DNAH7: variants seen among roughly 807,000 people sequenced by gnomAD.
DNAH7 encodes the protein axonemal beta dynein heavy chain 7.
A neutral mutation model predicts 444.6 loss-of-function variants in DNAH7; 397 were observed. The observed-to-expected ratio is 0.89, with a 90% CI of 0.82 to 0.97. The LOEUF (loss-of-function observed/expected upper bound fraction) is 0.97. Ranked by LOEUF, DNAH7 falls within the 50% of genes least tolerant of loss-of-function variation. The pLI, the probability that DNAH7 is intolerant of heterozygous loss-of-function variation, is 0.00. For synonymous variants in DNAH7, 1,636 were observed against 1,624.4 expected (o/e 1.01, Z -0.17); for missense variants, 4,902 against 4,800.8 (o/e 1.02, Z -0.62).
intron 47 of DNAH7, among the ~76,000 whole-genome samples, chr2:195,838,000 T>C (rs1033375934): frequency 7.2e-5 from 11 of 152,090 alleles, no homozygotes; most frequent in Admixed American, 3.3e-4. Context: ...GTAGGATAAA[T>C]TCTGAAAAGA....
chr2:196,016,489 T>C (rs1236507370), intron 9 of DNAH7, among the ~76,000 whole-genome samples: 1 of 152,174 alleles, frequency 6.6e-6, no homozygotes, highest in African/African-American at 2.4e-5. Context: ...AAGAAATCCA[T>C]ACTGTACAAT....
At chr2:196,051,723 C>T (rs767949921) in intron 2 of DNAH7, among the ~76,000 whole-genome samples, 1 of 151,938 alleles carries the variant, frequency 6.6e-6, no homozygotes, top group Non-Finnish European at 1.5e-5. Flanking sequence ...GCAGAGATCG[C>T]ACCACTGCAC....
chr2:195,950,236 G>A (rs1284474285), intron 19 of DNAH7, among the ~76,000 whole-genome samples: 4 of 149,718 alleles, frequency 2.7e-5, no homozygotes, highest in Non-Finnish European at 5.9e-5. Flanking sequence ...CTCTGGTCCT[G>A]GGCTTTTTTT....
rs1388690995 is a variant in DNAH7, at chr2:195,824,306, A to G, written c.9240T>C (p.Tyr3080=). The change falls in exon 49 of 65, where the codon TAT becomes TAC. Residue 3080 remains tyrosine, a synonymous_variant. Coordinates refer to ENST00000312428, the MANE Select transcript of DNAH7 (RefSeq NM_018897.3). ...TIEYAPDFRF[Y]ITTKLRNPHY... ...GAGGATTTCTTAACTTGGTAGTAAT[A>G]TAGAAGCGGAAGTCAGGTGCATATT... The G allele has an allele frequency of 4.3e-6, 7 of 1,613,770 alleles. No homozygotes were observed. The highest frequency in any genetic ancestry group is 1.3e-5 in the African/African-American group (1 of 74,918).
At chr2:195,852,998 T>A (rs530894183) in intron 46 of DNAH7, among the ~76,000 whole-genome samples, 3 of 152,034 alleles carry the variant, frequency 2.0e-5, no homozygotes, top group Non-Finnish European at 4.4e-5. Flanking sequence ...TGAGATGTTA[T>A]CAGTAGAGGC....
At chr2:195,920,034 C>T (rs144942443) in intron 24 of DNAH7, among the ~76,000 whole-genome samples, 1 of 152,190 alleles carries the variant, frequency 6.6e-6, no homozygotes, top group East Asian at 1.9e-4. Flanking sequence ...CAGAAAACCA[C>T]AAGGCATGAG....
chr2:195,994,782 G>A (rs1010901077), intron 12 of DNAH7: 55 of 467,222 alleles, frequency 1.2e-4, no homozygotes, highest in Admixed American at 8.2e-5. Context: ...CTGAATCTGC[G>A]GTTAATAGTT....
At chr2:195,802,896 C>T (rs1036641264) in intron 54 of DNAH7, among the ~76,000 whole-genome samples, 1 of 152,162 alleles carries the variant, frequency 6.6e-6, no homozygotes, top group African/African-American at 2.4e-5. Context: ...TGTCATTCTA[C>T]ACTCTATATC....
At chr2:195,859,509 A>AT (rs111354261) in intron 42 of DNAH7, among the ~76,000 whole-genome samples, 3,609 of 152,246 alleles carry the variant, frequency 0.024, 60 homozygotes, top group Non-Finnish European at 0.03. Flanking sequence ...TTATAATTTC[A>AT]TTTTAAAATA....
chr2:195,870,880 G>C (rs1700641815), intron 40 of DNAH7, among the ~76,000 whole-genome samples: 1 of 152,300 alleles, frequency 6.6e-6, no homozygotes, highest in Non-Finnish European at 1.5e-5. Context: ...ATAACAGCCT[G>C]AATGGACTAA....
chr2:196,039,301 A>G (rs1450491962), intron 5 of DNAH7, among the ~76,000 whole-genome samples: 1 of 152,230 alleles, frequency 6.6e-6, no homozygotes, highest in Non-Finnish European at 1.5e-5. Flanking sequence ...ATTTCTTGAA[A>G]CAAATAAAAA....
intron 10 of DNAH7, among the ~76,000 whole-genome samples, chr2:196,012,018 T>C (rs943820257): frequency 2.0e-5 from 3 of 152,258 alleles, no homozygotes; most frequent in Non-Finnish European, 2.9e-5. Context: ...TCAAGTAATA[T>C]CAAAGAATTT....
rs368461351 is a variant in DNAH7, at chr2:196,068,787, A to G, written c.-76T>C. 319 of 1,531,776 alleles carry G rather than the reference A, an allele frequency of 2.1e-4. No homozygotes were observed. The African/African-American group carries it at 2.7e-3, about 13-fold the overall frequency. 94.9% of individuals were successfully genotyped at this position (1,531,776 alleles called of 1,614,324 possible). A position where few individuals can be genotyped will look rare whatever the true frequency, so the allele number is the denominator to read the frequency against. ...GCGGAACCCCTAGGACGATAGAGGC[A>G]GGGCCCCGGGACTTGCAGCGGTCTC... On this transcript the variant is annotated 5_prime_UTR_variant, in exon 1 of 65. Coordinates refer to ENST00000312428, the MANE Select transcript of DNAH7 (RefSeq NM_018897.3).
chr2:195,916,870 C>T lies in DNAH7; in HGVS notation c.3935+5218G>A, dbSNP rs1383308997. Among the ~76,000 whole-genome samples the T allele has an allele frequency of 6.6e-5, 10 of 151,506 alleles. No homozygotes were observed. In the East Asian group the frequency reaches 9.8e-4, roughly 15 times the overall value. ...ATTCCAGCACTTCGGGAGGTGGAGG[C>T]GGGCGGATCACGAGGTCAGGAGATC... On this transcript the variant is annotated intron_variant, in intron 24 of 64. Coordinates refer to ENST00000312428, the MANE Select transcript of DNAH7 (RefSeq NM_018897.3).
rs200229276 is a variant in DNAH7 at position 195,988,019 on chromosome 2, T to G, written c.1564A>C (p.Ile522Leu). 1 of 1,613,224 alleles carries G rather than the reference T, an allele frequency of 6.2e-7. No homozygotes were observed. The highest frequency in any genetic ancestry group is 2.2e-5 in the East Asian group (1 of 44,814). The change falls in exon 13 of 65, where the codon ATA becomes CTA. Residue 522 changes from isoleucine (I) to leucine (L), a missense_variant. Ile to Leu is a conservative substitution (Grantham distance 5). Transcript: ENST00000312428. ...FLAENHSYEK[I>L]IDEICKYQKL... ...TGGTATTTGCAAATTTCATCTATTA[T>G]TTTTTCATAACTATGATTTTCTGCG...
At chr2:196,058,458 A>C (rs1697946236) in intron 1 of DNAH7, among the ~76,000 whole-genome samples, 2 of 152,318 alleles carry the variant, frequency 1.3e-5, no homozygotes, top group South Asian at 4.1e-4. Context: ...GCCTATCCCC[A>C]TGTGTCTCTC....
intron 28 of DNAH7, among the ~76,000 whole-genome samples, chr2:195,898,095 T>A (rs995621530): frequency 1.1e-4 from 16 of 152,210 alleles, no homozygotes; most frequent in African/African-American, 3.9e-4. Context: ...CTGCATGTAT[T>A]CATGACTAGC....
intron 12 of DNAH7, among the ~76,000 whole-genome samples, chr2:195,992,768 G>A (rs182115188): frequency 2.0e-5 from 3 of 152,310 alleles, no homozygotes; most frequent in Admixed American, 6.5e-5. Context: ...ATTCTTCAAC[G>A]TAACTGGTAG....
chr2:195,866,650 G>A (rs1210580068), intron 40 of DNAH7, among the ~76,000 whole-genome samples: 1 of 152,184 alleles, frequency 6.6e-6, no homozygotes, highest in Non-Finnish European at 1.5e-5. Context: ...AATCATCTGA[G>A]GTACTTATTC....
Sources: allele counts gnomAD v4.1 joint callset (sites outside exome capture counted in the v4.1 genomes callset), GRCh38; gene constraint gnomAD v4.1.1; transcripts MANE v1.5; gene names NCBI Gene and HGNC (gene_info 2026-07-23, HGNC 2026-07-21).